The following PITPNC1 variants were observed in gnomAD, a reference collection of about 807,000 sequenced individuals.
The protein encoded by PITPNC1 is cytoplasmic phosphatidylinositol transfer protein 1.
Under a neutral mutation model 44.7 loss-of-function variants are expected in PITPNC1, and 18 were observed. The observed-to-expected ratio is 0.40, with a 90% CI of 0.28 to 0.60. PITPNC1 has a LOEUF of 0.60. PITPNC1 is among the 20% of genes least tolerant of loss of function. PITPNC1 has a pLI of 0.39. For missense variants in PITPNC1, 290 were observed against 418.4 expected (o/e 0.69, Z 2.68); for synonymous variants, 141 against 149.6 (o/e 0.94, Z 0.42).
chr17:67,673,984 A>AAAAGAT (rs2042558343), intron 7 of PITPNC1, among the ~76,000 whole-genome samples: 2 of 151,644 alleles, frequency 1.3e-5, no homozygotes, highest in African/African-American at 4.8e-5. Context: ...AAAAAAAAAA[A>AAAAGAT]AAAAAGATAA....
intron 1 of PITPNC1, among the ~76,000 whole-genome samples, chr17:67,478,263 C>T (rs1286721660): frequency 3.9e-5 from 6 of 152,184 alleles, no homozygotes; most frequent in Admixed American, 2.0e-4. Flanking sequence ...CTGGGCAGCA[C>T]TCTTCACCAG....
chr17:67,579,683 A>T (rs1319434814), intron 5 of PITPNC1, among the ~76,000 whole-genome samples: 6 of 130,822 alleles, frequency 4.6e-5, no homozygotes, highest in African/African-American at 1.8e-4. Context: ...TCACGCCTGT[A>T]ATCCTAGCAT....
chr17:67,465,757 A>C (rs1184015926), intron 1 of PITPNC1, among the ~76,000 whole-genome samples: 1 of 152,056 alleles, frequency 6.6e-6, no homozygotes, highest in Non-Finnish European at 1.5e-5. Context: ...TGAACTGGAA[A>C]TTCTCTTCCT....
chr17:67,569,662 T>C (rs1263510433), intron 4 of PITPNC1, among the ~76,000 whole-genome samples: 1 of 152,142 alleles, frequency 6.6e-6, no homozygotes, highest in East Asian at 1.9e-4. Context: ...AGGGAGCAGA[T>C]GGCAGCAACA....
At chr17:67,413,052 G>T (rs866864526) in intron 1 of PITPNC1, among the ~76,000 whole-genome samples, 7 of 152,174 alleles carry the variant, frequency 4.6e-5, no homozygotes, top group Non-Finnish European at 8.8e-5. Context: ...GATAGGAATA[G>T]AAAGAGATTA....
intron 2 of PITPNC1, among the ~76,000 whole-genome samples, chr17:67,540,988 A>C (rs563932933): frequency 6.6e-6 from 1 of 152,322 alleles, no homozygotes; most frequent in East Asian, 1.9e-4. Context: ...AGGCTGAGGC[A>C]GATGGATCAC....
rs541911129 is a variant in PITPNC1 at position 67,429,704 on chromosome 17, A to AC, written c.48+51502_48+51503insC. 2.8e-3 allele frequency among the ~76,000 whole-genome samples: 421 copies of AC among 152,174 alleles called. 4 individuals carry two copies. The highest frequency in any genetic ancestry group is 3.7e-3 in the Non-Finnish European group (251 of 67,982). On this transcript the variant is annotated intron_variant, in intron 1 of 8. Coordinates refer to ENST00000581322, the MANE Select transcript of PITPNC1 (RefSeq NM_012417.4). ...AAGAGCAAAACTCTGTTTCAAAAAA[A>AC]AAAAAACTTACAAAGTAATTATTTC...
chr17:67,532,634 G>T (rs2040477931), intron 1 of PITPNC1, among the ~76,000 whole-genome samples, 168 bp from the exon 2 acceptor site: 1 of 152,066 alleles, frequency 6.6e-6, no homozygotes, highest in African/African-American at 2.4e-5. Flanking sequence ...ACTCACAACT[G>T]GTTCTCTCCC....
Position 67,490,587 on chromosome 17 carries a change from G to C in PITPNC1, c.49-42215G>C, listed in dbSNP as rs116192451. On this transcript the variant is annotated intron_variant, in intron 1 of 8. Coordinates refer to ENST00000581322, the MANE Select transcript of PITPNC1 (RefSeq NM_012417.4). ...GAGCTTTGGGATGAAGAGCCTCCCC[G>C]CAGGCAGGGGACTGCTGGGAGTTTC... 5.3e-4 allele frequency among the ~76,000 whole-genome samples: 80 copies of C among 152,230 alleles called. 1 individual carries two copies. The South Asian group carries it at 0.016, about 30-fold the overall frequency.
chr17:67,552,419 A>G, intron 3 of PITPNC1, 74 bp downstream of exon 3: 1 of 855,754 alleles, frequency 1.2e-6, no homozygotes, highest in Non-Finnish European at 2.0e-6. Flanking sequence ...TCACTGATTT[A>G]CAGTGGATTA....
At chr17:67,663,486 C>T (rs1409765662) in intron 6 of PITPNC1, among the ~76,000 whole-genome samples, 3 of 151,596 alleles carry the variant, frequency 2.0e-5, no homozygotes, top group Non-Finnish European at 2.9e-5. Context: ...AGGAGAATGG[C>T]GGGAACCTGG....
chr17:67,478,707 T>C (rs2039663461), intron 1 of PITPNC1, among the ~76,000 whole-genome samples: 1 of 152,044 alleles, frequency 6.6e-6, no homozygotes, highest in African/African-American at 2.4e-5. Flanking sequence ...TCTGTGGCCC[T>C]CTTTTTCCGC....
chr17:67,636,450 A>G (rs1018502549), intron 6 of PITPNC1, among the ~76,000 whole-genome samples: 9 of 152,112 alleles, frequency 5.9e-5, no homozygotes, highest in African/African-American at 2.2e-4. Context: ...CGGTTACTAA[A>G]TGGATGCGGG....
At chr17:67,517,578 G>T (rs1246498012) in intron 1 of PITPNC1, among the ~76,000 whole-genome samples, 1 of 152,192 alleles carries the variant, frequency 6.6e-6, no homozygotes, top group Non-Finnish European at 1.5e-5. Context: ...ATATTATTCA[G>T]TAATAAAAAG....
At chr17:67,420,663 C>T (rs1463810037) in intron 1 of PITPNC1, among the ~76,000 whole-genome samples, 1 of 152,070 alleles carries the variant, frequency 6.6e-6, no homozygotes, top group African/African-American at 2.4e-5. Context: ...AACTCCTGGC[C>T]TCAAGTAAAC....
chr17:67,552,795 G>A (rs1336869719), intron 3 of PITPNC1, among the ~76,000 whole-genome samples: 2 of 140,468 alleles, frequency 1.4e-5, no homozygotes, highest in East Asian at 2.0e-4. Context: ...GCAACACAGC[G>A]AGACTCCGTC....
chr17:67,451,771 G>A (rs550307582), intron 1 of PITPNC1, among the ~76,000 whole-genome samples: 12 of 151,844 alleles, frequency 7.9e-5, no homozygotes, highest in African/African-American at 2.4e-4. Context: ...CCAGGGTAGC[G>A]GGCACTACAG....
Position 67,695,382 on chromosome 17 carries a change from G to T in PITPNC1, c.*2494G>T, listed in dbSNP as rs992636624. ...TTTCACATTCTCTATACATGACTTTGTTATTGTGGAATACAAGCCTGCAAT... is the reference window on the plus strand; with the variant it reads ...TTTCACATTCTCTATACATGACTTTTTTATTGTGGAATACAAGCCTGCAAT... On this transcript the variant is annotated 3_prime_UTR_variant, in exon 9 of 9. Transcript: ENST00000581322. The T allele has an allele frequency of 2.0e-5, 3 of 151,484 alleles. No homozygotes were observed. Among genetic ancestry groups the T allele is most frequent in the Non-Finnish European group, 4.4e-5 (3 of 67,938 alleles). The allele number at this position is 151,484 out of a possible 1,614,324, so 9.4% of individuals were successfully genotyped here.
chr17:67,621,521 T>G (rs1176878685), intron 5 of PITPNC1, among the ~76,000 whole-genome samples: 1 of 152,172 alleles, frequency 6.6e-6, no homozygotes, highest in Non-Finnish European at 1.5e-5. Context: ...AACATATCTT[T>G]TAGTACTTTA....
Sources: allele counts gnomAD v4.1 joint callset (sites outside exome capture counted in the v4.1 genomes callset), GRCh38; gene constraint gnomAD v4.1.1; transcripts MANE v1.5; gene names NCBI Gene and HGNC (gene_info 2026-07-23, HGNC 2026-07-21).